Variants in ATP9A observed in about 807,000 individuals in gnomAD.
ATP9A encodes ATPase phospholipid transporting 9A.
Under a neutral mutation model 144.1 loss-of-function variants are expected in ATP9A, and 52 were observed. The ratio of observed to expected loss-of-function variants is 0.36; its 90% CI spans 0.29 to 0.45. The LOEUF (loss-of-function observed/expected upper bound fraction) is 0.45. Ranked by LOEUF, ATP9A falls within the 20% of genes least tolerant of loss-of-function variation. The probability of loss-of-function intolerance (pLI) is 1.00; values close to 1 mark genes in which losing one functional copy is unlikely to be tolerated. For synonymous variants in ATP9A, 582 were observed against 557.4 expected, an observed-to-expected ratio of 1.04 and a Z score of -0.62; for missense variants, 947 against 1,392.7, an observed-to-expected ratio of 0.68 and a Z score of 5.09.
At chr20:51,604,736 C>T (rs778171580) in intron 27 of ATP9A, 81 bp downstream of exon 27, 114 of 1,293,520 alleles carry the variant, frequency 8.8e-5, no homozygotes, top group Non-Finnish European at 1.1e-4. Flanking sequence ...TGGGAACCCC[C>T]CTTCCTTCAT....
At chr20:51,725,391 G>A (rs1172385595) in intron 3 of ATP9A, among the ~76,000 whole-genome samples, 1 of 152,130 alleles carries the variant, frequency 6.6e-6, no homozygotes, top group Non-Finnish European at 1.5e-5. Flanking sequence ...CAAAGTGCTA[G>A]GACTACAGGC....
rs35997419 is a variant in ATP9A, at chr20:51,600,807, A to AACAC, written c.*400_*403dup. ...TACATACACATTAGGACTCTTTAAA[A>AACAC]ACACACACACACACACACACACACA... On this transcript the variant is annotated 3_prime_UTR_variant, in exon 28 of 28. Transcript: ENST00000338821. 12,874 of 120,338 alleles carry AACAC rather than the reference A, an allele frequency of 0.11. 567 individuals are homozygous for AACAC. Among genetic ancestry groups the AACAC allele is most frequent in the East Asian group, 0.14 (661 of 4,828 alleles). 7.5% of individuals were successfully genotyped at this position (120,338 alleles called of 1,614,324 possible). A position where few individuals can be genotyped will look rare whatever the true frequency, so the allele number is the denominator to read the frequency against.
chr20:51,638,102 T>TATATATAC (rs1435801724), intron 15 of ATP9A, among the ~76,000 whole-genome samples: 4 of 82,888 alleles, frequency 4.8e-5, no homozygotes, highest in Non-Finnish European at 9.9e-5. Context: ...TATATATATA[T>TATATATAC]ATATATATAT....
intron 14 of ATP9A, among the ~76,000 whole-genome samples, chr20:51,650,363 G>A (rs988339344): frequency 2.6e-5 from 4 of 151,882 alleles, no homozygotes; most frequent in Non-Finnish European, 2.9e-5. Flanking sequence ...GTGAAACCCC[G>A]TCTCTACTAA....
chr20:51,713,893 T>C (rs1480059752), intron 3 of ATP9A, among the ~76,000 whole-genome samples: 2 of 152,186 alleles, frequency 1.3e-5, no homozygotes. Context: ...CTTCAGCCTA[T>C]CTGTAATGTC....
At chr20:51,743,396 A>T (rs1180533928) in intron 1 of ATP9A, among the ~76,000 whole-genome samples, 92 of 89,824 alleles carry the variant, frequency 1.0e-3, no homozygotes, top group African/African-American at 1.3e-3. Context: ...ACCGAAACTG[A>T]TTTTTTTTTT....
In ATP9A at chr20:51,749,920, G is replaced by A. The variant is rs573387365; in HGVS notation, c.68+18382C>T. Among the ~76,000 whole-genome samples the A allele has an allele frequency of 5.9e-5, 9 of 152,054 alleles. No homozygotes were observed. In the East Asian group the frequency reaches 1.8e-3, roughly 30 times the overall value. On this transcript the variant is annotated intron_variant, in intron 1 of 27. Transcript: ENST00000338821. ...CCAGCACTTTGGGAGATAGGCAGATGGCCTGAGCTCAGGAGTTTGAGACCA... is the reference window on the plus strand; with the variant it reads ...CCAGCACTTTGGGAGATAGGCAGATAGCCTGAGCTCAGGAGTTTGAGACCA...
At chr20:51,674,460 C>T in intron 10 of ATP9A, 147 bp from the exon 11 acceptor site, 1 of 715,550 alleles carries the variant, frequency 1.4e-6, no homozygotes, top group Admixed American at 2.8e-5. Flanking sequence ...ACAAACACCT[C>T]TACCCCAGGT....
At chr20:51,686,273 G>A (rs2077522541) in intron 9 of ATP9A, among the ~76,000 whole-genome samples, 3 of 151,788 alleles carry the variant, frequency 2.0e-5, no homozygotes, top group African/African-American at 7.3e-5. Context: ...TACATGACGA[G>A]TTAATGGGTG....
intron 15 of ATP9A, among the ~76,000 whole-genome samples, chr20:51,630,453 A>C (rs2077265682): frequency 6.6e-6 from 1 of 152,060 alleles, no homozygotes; most frequent in Non-Finnish European, 1.5e-5. Flanking sequence ...CTGTAGTCCC[A>C]ACACTTTGGG....
At chr20:51,636,915 C>A (rs1220321269) in intron 15 of ATP9A, among the ~76,000 whole-genome samples, 1 of 152,192 alleles carries the variant, frequency 6.6e-6, no homozygotes, top group Non-Finnish European at 1.5e-5. Flanking sequence ...CATGGCAAAA[C>A]CCCGTCTCTA....
intron 19 of ATP9A, among the ~76,000 whole-genome samples, chr20:51,620,844 G>A (rs1057471171): frequency 1.1e-4 from 17 of 152,058 alleles, no homozygotes; most frequent in Admixed American, 1.0e-3. Context: ...GTCTCAGGCA[G>A]CTAAAATTTT....
intron 1 of ATP9A, among the ~76,000 whole-genome samples, chr20:51,752,308 G>T (rs987314579): frequency 2.6e-5 from 4 of 152,132 alleles, no homozygotes; most frequent in African/African-American, 9.7e-5. Context: ...AAATACCTAA[G>T]ACAGTGATGC....
chr20:51,697,670 G>A (rs907000487), intron 4 of ATP9A, among the ~76,000 whole-genome samples, 188 bp from the exon 5 acceptor site: 5 of 152,146 alleles, frequency 3.3e-5, no homozygotes, highest in Admixed American at 6.6e-5. Flanking sequence ...TACAGAGGCC[G>A]TTGCAGAAAT....
At chr20:51,767,831 C>G (rs2077911999) in intron 1 of ATP9A, among the ~76,000 whole-genome samples, 1 of 152,216 alleles carries the variant, frequency 6.6e-6, no homozygotes, top group Non-Finnish European at 1.5e-5. Context: ...GATGGGGTAC[C>G]CCGAGGCGTA....
chr20:51,698,430 T>TG (rs1429253132), intron 4 of ATP9A, among the ~76,000 whole-genome samples: 18 of 152,216 alleles, frequency 1.2e-4, no homozygotes, highest in Admixed American at 9.2e-4. Context: ...GGCTGAGGTG[T>TG]GGGAGGATCG....
rs745942155 is a variant in ATP9A, at chr20:51,610,052, T to C, written c.2636+49A>G. 4 of 1,495,136 alleles carry C rather than the reference T, an allele frequency of 2.7e-6. No individual in the cohort carries two copies. In the South Asian group the frequency reaches 3.4e-5, roughly 13 times the overall value. The allele number at this position is 1,495,136 out of a possible 1,614,324, so 92.6% of individuals were successfully genotyped here. ...CACGTTTCTTCTCTCTGTTGCAGCA[T>C]TTGAAGAAGGTTTTGTAAACAATTA... On this transcript the variant is annotated intron_variant, in intron 24 of 27. Coordinates refer to ENST00000338821, the MANE Select transcript of ATP9A (RefSeq NM_006045.3).
At position 51,737,835 on chromosome 20, in the gene ATP9A, C is replaced by T. The variant is rs8114355; in HGVS notation, c.69-7857G>A. On this transcript the variant is annotated intron_variant, in intron 1 of 27. Coordinates refer to ENST00000338821, the MANE Select transcript of ATP9A (RefSeq NM_006045.3). ...CGGGATACAAAACCAAACACCTCCACGGGACAGGCAGGTAAAATAAGTAAG... is the reference window on the plus strand; with the variant it reads ...CGGGATACAAAACCAAACACCTCCATGGGACAGGCAGGTAAAATAAGTAAG... Among the ~76,000 whole-genome samples, 1,478 of 152,168 alleles carry T rather than the reference C, an allele frequency of 9.7e-3. 18 individuals are homozygous for T. The highest frequency in any genetic ancestry group is 0.032 in the African/African-American group (1,348 of 41,510).
chr20:51,750,951 C>T (rs952040465), intron 1 of ATP9A, among the ~76,000 whole-genome samples: 5 of 152,158 alleles, frequency 3.3e-5, no homozygotes, highest in African/African-American at 9.7e-5. Context: ...GCTATGGGAG[C>T]GTCCATGAGC....
Sources: gnomAD v4.1 joint callset for allele counts (sites outside exome capture counted in the v4.1 genomes callset) on GRCh38, gnomAD v4.1.1 for gene constraint, MANE v1.5 for transcripts, NCBI Gene and HGNC (gene_info 2026-07-23, HGNC 2026-07-21) for gene names.